The following NLGN1 variants were observed in gnomAD, a reference collection of about 807,000 sequenced individuals.
NLGN1 encodes neuroligin-1.
In NLGN1, 12 loss-of-function variants were observed where a neutral mutation model predicts 65.5. The ratio of observed to expected loss-of-function variants is 0.18; its 90% CI spans 0.12 to 0.30. The LOEUF (loss-of-function observed/expected upper bound fraction) is 0.30, where lower values mean the gene tolerates loss of function less well. NLGN1 is among the 10% of genes least tolerant of loss of function. The pLI is 1.00. For synonymous variants in NLGN1, 350 were observed against 359.5 expected (o/e 0.97, Z 0.30); for missense variants, 750 against 1,007.1 (o/e 0.74, Z 3.46).
chr3:174,151,954 A>G (rs725802), intron 4 of NLGN1, among the ~76,000 whole-genome samples: 55,691 of 151,928 alleles, frequency 0.37, 11,944 homozygotes, highest in African/African-American at 0.59. Flanking sequence ...CCAATTTTTG[A>G]ACCTCATAAT....
At chr3:173,908,027 T>G (rs1738813457) in intron 4 of NLGN1, among the ~76,000 whole-genome samples, 1 of 152,188 alleles carries the variant, frequency 6.6e-6, no homozygotes, top group South Asian at 2.1e-4. Context: ...GCAGATTGCT[T>G]TATCTCTTTT....
At chr3:173,811,299 C>T (rs918185403) in intron 4 of NLGN1, among the ~76,000 whole-genome samples, 2 of 151,976 alleles carry the variant, frequency 1.3e-5, no homozygotes, top group East Asian at 3.9e-4. Context: ...TGTGATGGCT[C>T]ACACCTGTAA....
intron 4 of NLGN1, among the ~76,000 whole-genome samples, chr3:173,925,633 C>T (rs1027371377): frequency 1.3e-5 from 2 of 152,142 alleles, no homozygotes; most frequent in Admixed American, 1.3e-4. Context: ...GAAGAGCCTG[C>T]TCCCAGAGCA....
chr3:174,209,281 C>A (rs1010621863), intron 4 of NLGN1, among the ~76,000 whole-genome samples: 2 of 152,152 alleles, frequency 1.3e-5, no homozygotes, highest in Non-Finnish European at 2.9e-5. Flanking sequence ...TTAAAACCTA[C>A]CTCCATCCTT....
chr3:173,451,865 G>A (rs776705742), intron 2 of NLGN1, among the ~76,000 whole-genome samples: 10 of 152,312 alleles, frequency 6.6e-5, no homozygotes, highest in Non-Finnish European at 1.0e-4. Context: ...AGCCATGTGC[G>A]TGATATAATC....
chr3:173,413,961 G>GT (rs1560217823), intron 1 of NLGN1, among the ~76,000 whole-genome samples: 1 of 152,322 alleles, frequency 6.6e-6, no homozygotes, highest in East Asian at 1.9e-4. Context: ...CAGAGAAGGT[G>GT]TCCCCAGCAC....
intron 3 of NLGN1, among the ~76,000 whole-genome samples, chr3:173,658,217 A>C (rs965464744): frequency 6.6e-6 from 1 of 151,980 alleles, no homozygotes; most frequent in Non-Finnish European, 1.5e-5. Flanking sequence ...GTCTTTGCAG[A>C]TAGATGTCCT....
rs200660139 is a variant in NLGN1, at chr3:173,918,119, CTTA to C, written c.646+110293_646+110295del. ...TATTCAGTCAATTATAGTACTTGTTCTTATTATTTATTAATAGAAGTAATGCAT... is the reference window on the plus strand; with the variant it reads ...TATTCAGTCAATTATAGTACTTGTTCTTATTTATTAATAGAAGTAATGCAT... On this transcript the variant is annotated intron_variant, in intron 4 of 6. Coordinates refer to ENST00000457714, the Ensembl canonical transcript of NLGN1. Among the ~76,000 whole-genome samples, 1,027 of 152,160 alleles carry C rather than the reference CTTA, an allele frequency of 6.7e-3. 11 individuals carry two copies. Among genetic ancestry groups the C allele is most frequent in the African/African-American group, 0.024 (983 of 41,510 alleles).
At chr3:173,706,059 AAG>A (rs1767998143) in intron 3 of NLGN1, among the ~76,000 whole-genome samples, 1 of 152,208 alleles carries the variant, frequency 6.6e-6, no homozygotes, top group African/African-American at 2.4e-5. Flanking sequence ...AAATAAGTAA[AAG>A]AGAAATAATT....
chr3:173,798,673 G>A, intron 3 of NLGN1, among the ~76,000 whole-genome samples: 1 of 152,082 alleles, frequency 6.6e-6, no homozygotes, highest in East Asian at 1.9e-4. Flanking sequence ...TTGCTTGCAG[G>A]TGTGATTATA....
At chr3:173,486,930 T>C (rs968273898) in intron 2 of NLGN1, among the ~76,000 whole-genome samples, 5 of 152,000 alleles carry the variant, frequency 3.3e-5, no homozygotes, top group African/African-American at 7.2e-5. Context: ...TTTTCTGATA[T>C]ATGCATTTAA....
chr3:174,125,049 T>A (rs1718641325), intron 4 of NLGN1, among the ~76,000 whole-genome samples: 2 of 151,778 alleles, frequency 1.3e-5, no homozygotes, highest in African/African-American at 4.8e-5. Context: ...TGAGATGGAG[T>A]TGGAGGAATA....
At chr3:173,627,003 A>G (rs1036400095) in intron 3 of NLGN1, among the ~76,000 whole-genome samples, 1 of 152,066 alleles carries the variant, frequency 6.6e-6, no homozygotes, top group Non-Finnish European at 1.5e-5. Flanking sequence ...CTGACTAGGA[A>G]ACAAAAACAT....
intron 3 of NLGN1, among the ~76,000 whole-genome samples, chr3:173,730,389 T>G (rs1486434593): frequency 2.7e-5 from 4 of 149,344 alleles, no homozygotes; most frequent in East Asian, 4.0e-4. Flanking sequence ...TTAAAATTTT[T>G]TAGTAGCCAC....
At chr3:174,267,469 C>T (rs1748496868) in intron 4 of NLGN1, among the ~76,000 whole-genome samples, 2 of 152,168 alleles carry the variant, frequency 1.3e-5, no homozygotes, top group Non-Finnish European at 2.9e-5. Flanking sequence ...CTAAGACTGG[C>T]TGTCTTTTTA....
At chr3:173,558,689 C>T (rs1742135909) in intron 2 of NLGN1, among the ~76,000 whole-genome samples, 1 of 152,024 alleles carries the variant, frequency 6.6e-6, no homozygotes, top group Non-Finnish European at 1.5e-5. Flanking sequence ...TCCCCTCGAC[C>T]TTTTAAAATC....
At chr3:173,840,683 G>A (rs751149949) in intron 4 of NLGN1, among the ~76,000 whole-genome samples, 2 of 152,026 alleles carry the variant, frequency 1.3e-5, no homozygotes, top group Non-Finnish European at 2.9e-5. Flanking sequence ...TAATGTCTTT[G>A]TCACAAACAA....
intron 3 of NLGN1, among the ~76,000 whole-genome samples, chr3:173,665,471 C>T (rs1761560069): frequency 6.6e-6 from 1 of 152,092 alleles, no homozygotes; most frequent in Non-Finnish European, 1.5e-5. Flanking sequence ...TGCACTAGTA[C>T]AGTGGCAGAA....
chr3:174,241,961 A>G (rs564398349), intron 4 of NLGN1, among the ~76,000 whole-genome samples: 207 of 152,158 alleles, frequency 1.4e-3, no homozygotes, highest in African/African-American at 4.4e-3. Context: ...CCCGGCCCCA[A>G]CGTATCTTTA....
Sources: allele counts gnomAD v4.1 joint callset (sites outside exome capture counted in the v4.1 genomes callset), GRCh38; gene constraint gnomAD v4.1.1; transcripts MANE v1.5; gene names NCBI Gene and HGNC (gene_info 2026-07-23, HGNC 2026-07-21).